NCKAP5: variants seen among roughly 807,000 people sequenced by gnomAD.
NCKAP5 encodes the protein NCK associated protein 5.
Under a neutral mutation model 167.0 loss-of-function variants are expected in NCKAP5, and 92 were observed. The observed-to-expected ratio is 0.55, with a 90% CI of 0.47 to 0.66. NCKAP5 has a LOEUF of 0.66. Among genes scored for constraint, NCKAP5 ranks in the 30% least tolerant of loss-of-function variants. The probability of loss-of-function intolerance (pLI) is 0.00; values close to 1 mark genes in which losing one functional copy is unlikely to be tolerated. For synonymous variants in NCKAP5, 891 were observed against 877.4 expected (o/e 1.02, Z -0.27); for missense variants, 2,378 against 2,315.0 (o/e 1.03, Z -0.56).
At chr2:133,073,186 A>G (rs2080477574) in intron 6 of NCKAP5, among the ~76,000 whole-genome samples, 1 of 152,204 alleles carries the variant, frequency 6.6e-6, no homozygotes, top group Admixed American at 6.5e-5. Flanking sequence ...TTTGGCTAAA[A>G]GAAAACGGGG....
intron 5 of NCKAP5, among the ~76,000 whole-genome samples, chr2:133,179,667 AG>A: frequency 6.6e-6 from 1 of 152,208 alleles, no homozygotes; most frequent in Admixed American, 6.5e-5. Flanking sequence ...GATATAAACA[AG>A]AACTAAAAGA....
chr2:133,364,059 T>TATCATC (rs1005003025), intron 3 of NCKAP5, among the ~76,000 whole-genome samples: 5 of 151,756 alleles, frequency 3.3e-5, no homozygotes, highest in African/African-American at 1.2e-4. Flanking sequence ...TAGGTGTTGG[T>TATCATC]ATCATCATCA....
intron 18 of NCKAP5, among the ~76,000 whole-genome samples, chr2:132,728,484 A>C (rs537903942): frequency 1.6e-4 from 24 of 150,086 alleles, no homozygotes; most frequent in Admixed American, 5.9e-4. Context: ...TACTGAAAAA[A>C]TAGAAAAAAC....
chr2:132,867,319 A>G (rs1690433337), intron 10 of NCKAP5, among the ~76,000 whole-genome samples: 2 of 152,192 alleles, frequency 1.3e-5, no homozygotes, highest in Admixed American at 1.3e-4. Context: ...AAACAGGAGA[A>G]AAACAATCGA....
At chr2:133,117,948 T>G (rs2082133038) in intron 6 of NCKAP5, 1 of 152,196 alleles carries the variant, frequency 6.6e-6, no homozygotes, top group Non-Finnish European at 1.5e-5. Context: ...TCCAAGGAAC[T>G]GAGTTCCGGC....
At chr2:132,890,125 A>T (rs1295399234) in intron 8 of NCKAP5, among the ~76,000 whole-genome samples, 1 of 152,190 alleles carries the variant, frequency 6.6e-6, no homozygotes, top group African/African-American at 2.4e-5. Flanking sequence ...CAGAAAAGGT[A>T]TTTCTCTAAA....
At chr2:133,581,739 C>T in the NCKAP5 span, among the ~76,000 whole-genome samples, 1 of 152,184 alleles carries the variant, frequency 6.6e-6, no homozygotes, top group Admixed American at 6.5e-5. Flanking sequence ...TCAGTTATCA[C>T]AGACATGCCC....
chr2:133,665,732 G>A, the NCKAP5 span, among the ~76,000 whole-genome samples: 9 of 152,282 alleles, frequency 5.9e-5, no homozygotes, highest in Non-Finnish European at 1.2e-4. Flanking sequence ...TATCCGCGAC[G>A]TGCGATAAAG....
chr2:133,135,461 T>C (rs1389258914), intron 5 of NCKAP5, among the ~76,000 whole-genome samples: 1 of 152,170 alleles, frequency 6.6e-6, no homozygotes, highest in Non-Finnish European at 1.5e-5. Flanking sequence ...GATTTGGGAC[T>C]GTAGCCTGGG....
At chr2:133,480,488 G>T (rs1052144729) in intron 3 of NCKAP5, among the ~76,000 whole-genome samples, 2 of 152,026 alleles carry the variant, frequency 1.3e-5, no homozygotes, top group East Asian at 3.9e-4. Flanking sequence ...CTGTCCTGGG[G>T]TTTCTCTGAT....
intron 5 of NCKAP5, among the ~76,000 whole-genome samples, chr2:133,157,112 G>A (rs554701018): frequency 3.3e-5 from 5 of 152,226 alleles, no homozygotes; most frequent in South Asian, 4.2e-4. Context: ...ATTCCATTTT[G>A]CCTCAAATAC....
At chr2:133,385,904 C>A (rs1446925368) in intron 3 of NCKAP5, among the ~76,000 whole-genome samples, 2 of 152,182 alleles carry the variant, frequency 1.3e-5, no homozygotes, top group Non-Finnish European at 2.9e-5. Context: ...TCCCCTTTAT[C>A]ATTTTTATTG....
At chr2:133,508,513 G>A (rs1683217625) in intron 3 of NCKAP5, among the ~76,000 whole-genome samples, 1 of 152,138 alleles carries the variant, frequency 6.6e-6, no homozygotes, top group Non-Finnish European at 1.5e-5. Context: ...ATTTCACTGT[G>A]TTTCAGACCA....
intron 5 of NCKAP5, among the ~76,000 whole-genome samples, chr2:133,143,961 C>T (rs2149849783): frequency 6.6e-6 from 1 of 152,196 alleles, no homozygotes; most frequent in South Asian, 2.1e-4. Flanking sequence ...GTCTAGTAAA[C>T]TTTCATCGCA....
At chr2:132,781,363 TTC>T in intron 14 of NCKAP5, 134 bp from the exon 15 acceptor site, 1 of 738,974 alleles carries the variant, frequency 1.4e-6, no homozygotes. Flanking sequence ...GGATAAGGGT[TTC>T]TCATGGGCCT....
intron 19 of NCKAP5, among the ~76,000 whole-genome samples, chr2:132,707,853 C>T (rs1010163371): frequency 6.6e-6 from 1 of 152,032 alleles, no homozygotes. Context: ...AACTTAGATA[C>T]CTGCTCAGCC....
intron 3 of NCKAP5, among the ~76,000 whole-genome samples, chr2:133,391,804 A>G (rs1687429460): frequency 6.6e-6 from 1 of 152,116 alleles, no homozygotes; most frequent in South Asian, 2.1e-4. Context: ...AAATGGAATC[A>G]TGTCACAGTT....
At chr2:133,667,530 C>G in the NCKAP5 span, among the ~76,000 whole-genome samples, 1 of 152,044 alleles carries the variant, frequency 6.6e-6, no homozygotes, top group Non-Finnish European at 1.5e-5. Context: ...ATTCCCTATC[C>G]TAACTAAAGC....
chr2:133,003,246 T>A (rs937495306), intron 6 of NCKAP5, among the ~76,000 whole-genome samples: 1 of 152,196 alleles, frequency 6.6e-6, no homozygotes, highest in Admixed American at 6.5e-5. Flanking sequence ...TTGCATTGCC[T>A]CCCATATAAT....
Sources: allele counts gnomAD v4.1 joint callset (sites outside exome capture counted in the v4.1 genomes callset), GRCh38; gene constraint gnomAD v4.1.1; transcripts MANE v1.5; gene names NCBI Gene and HGNC (gene_info 2026-07-23, HGNC 2026-07-21).